MYH16: variants seen among roughly 807,000 people sequenced by gnomAD.
The protein encoded by MYH16 is putative uncharacterized protein MYH16.
At chr7:99,246,925 C>T (rs2150805896) in intron 2 of MYH16, among the ~76,000 whole-genome samples, 1 of 152,198 alleles carries the variant, frequency 6.6e-6, no homozygotes, top group East Asian at 1.9e-4. Context: ...AAGCAATACA[C>T]ATTCAATGCA....
chr7:99,273,202 T>C (rs1434927528), intron 19 of MYH16, 125 bp downstream of exon 1: 1 of 399,476 alleles, frequency 2.5e-6, no homozygotes, highest in Non-Finnish European at 5.1e-6. Context: ...ACATGGGCAA[T>C]GCTGGGTCTC....
chr7:99,270,356 C>T (rs1382700778), intron 18 of MYH16, among the ~76,000 whole-genome samples: 13 of 146,096 alleles, frequency 8.9e-5, no homozygotes, highest in Non-Finnish European at 1.6e-4. Flanking sequence ...CTGTCTTGCT[C>T]TGTTGCCCAG....
chr7:99,273,294 T>TCCTAACA, intron 19 of MYH16, 48 bp from the exon 2 acceptor site: 1 of 456,450 alleles, frequency 2.2e-6, no homozygotes, highest in Non-Finnish European at 4.4e-6. Flanking sequence ...GGAAGCCAGG[T>TCCTAACA]CCTAACACCT....
chr7:99,287,071 G>A (rs1401645514), intron 28 of MYH16, among the ~76,000 whole-genome samples: 2 of 152,216 alleles, frequency 1.3e-5, no homozygotes, highest in East Asian at 3.9e-4. Flanking sequence ...CTGGGGGGAA[G>A]AATGTAGGCA....
chr7:99,255,862 T>C (rs939201397), intron 9 of MYH16, among the ~76,000 whole-genome samples: 2 of 152,294 alleles, frequency 1.3e-5, no homozygotes, highest in Non-Finnish European at 2.9e-5. Context: ...CCAAGCCCAT[T>C]TTAGCAAGCC....
chr7:99,302,165 G>A (rs1292703470), intron 38 of MYH16, among the ~76,000 whole-genome samples: 1 of 151,712 alleles, frequency 6.6e-6, no homozygotes, highest in Non-Finnish European at 1.5e-5. Context: ...TTGGCCAGGT[G>A]TGGTGGCACA....
At chr7:99,277,951 CAG>C (rs1562780508) in intron 21 of MYH16, among the ~76,000 whole-genome samples, 1 of 144,604 alleles carries the variant, frequency 6.9e-6, no homozygotes, top group East Asian at 2.0e-4. Flanking sequence ...GACAGACAGA[CAG>C]ACAGACAGAC....
At chr7:99,271,028 G>A (rs980400041) in exon 19 of MYH16, 4 of 152,660 alleles carry the variant, frequency 2.6e-5, no homozygotes, top group Non-Finnish European at 5.9e-5. Context: ...AGATCATGAC[G>A]ATGCTGCAGT....
chr7:99,244,308 T>A (rs1416199600), intron 2 of MYH16, among the ~76,000 whole-genome samples: 1 of 152,214 alleles, frequency 6.6e-6, no homozygotes, highest in African/African-American at 2.4e-5. Context: ...TTGAAGAAAT[T>A]CAGTTTCACT....
intron 1 of MYH16, among the ~76,000 whole-genome samples, chr7:99,239,505 G>C (rs1418504608): frequency 6.6e-6 from 1 of 152,186 alleles, no homozygotes; most frequent in African/African-American, 2.4e-5. Context: ...AACAGATGGT[G>C]GTTCCCAGGT....
At chr7:99,279,358 CAAA>C (rs35683727) in intron 21 of MYH16, among the ~76,000 whole-genome samples, 149 bp from the exon 4 acceptor site, 2 of 45,896 alleles carry the variant, frequency 4.4e-5, no homozygotes, top group African/African-American at 7.9e-5. Context: ...AACCCTGACT[CAAA>C]AAAAAAAAAA....
chr7:99,246,224 GAAAAGAAAAAA>G (rs1791727781), intron 2 of MYH16, among the ~76,000 whole-genome samples: 1 of 139,712 alleles, frequency 7.2e-6, no homozygotes, highest in South Asian at 2.3e-4. Context: ...AAAAAAGAAA[GAAAAGAAAAAA>G]AAAAGAGAAA....
At chr7:99,298,767 C>CT (rs112315311) in intron 36 of MYH16, among the ~76,000 whole-genome samples, 39,230 of 143,650 alleles carry the variant, frequency 0.27, 9,277 homozygotes, top group African/African-American at 0.65. Context: ...TGTCTTGTCG[C>CT]TTTTTTTTTT....
At chr7:99,308,032 T>C (rs1384310559), downstream of MYH16, among the ~76,000 whole-genome samples, 1 of 152,010 alleles carries the variant, frequency 6.6e-6, no homozygotes, top group Non-Finnish European at 1.5e-5. Flanking sequence ...AGTTTTAATA[T>C]GCCATAATTC....
chr7:99,275,568 C>T (rs1792100179), intron 20 of MYH16, among the ~76,000 whole-genome samples: 1 of 152,230 alleles, frequency 6.6e-6, no homozygotes, highest in Non-Finnish European at 1.5e-5. Flanking sequence ...CAAAGGGTGT[C>T]TATGCTTGAA....
intron 12 of MYH16, chr7:99,260,425 G>A (rs1791926297): frequency 1.7e-6 from 1 of 575,946 alleles, no homozygotes. Context: ...GGCTTCAGGG[G>A]AGTCAGTGAC....
chr7:99,284,321 T>C (rs1330829982), intron 25 of MYH16, among the ~76,000 whole-genome samples: 1 of 152,160 alleles, frequency 6.6e-6, no homozygotes, highest in Non-Finnish European at 1.5e-5. Context: ...TTGGGTACAG[T>C]GGCTCACACC....
intron 21 of MYH16, 137 bp downstream of exon 3, chr7:99,277,849 C>A: frequency 2.8e-6 from 1 of 359,150 alleles, no homozygotes; most frequent in Non-Finnish European, 5.5e-6. Context: ...TCACCCTCGA[C>A]CCAACTTCCA....
intron 20 of MYH16, among the ~76,000 whole-genome samples, chr7:99,273,775 G>A (rs1429119554): frequency 6.7e-6 from 1 of 150,096 alleles, no homozygotes; most frequent in Non-Finnish European, 1.5e-5. Context: ...AGAGAGGAAA[G>A]GAAGGGAGAG....
Sources: allele counts gnomAD v4.1 joint callset (sites outside exome capture counted in the v4.1 genomes callset), GRCh38; gene constraint gnomAD v4.1.1; transcripts MANE v1.5; gene names NCBI Gene and HGNC (gene_info 2026-07-23, HGNC 2026-07-21).